Variants in RYR2 observed in about 807,000 individuals in gnomAD.
RYR2 encodes the protein ryanodine receptor 2.
In RYR2, 227 loss-of-function variants were observed where a neutral mutation model predicts 601.1. The ratio of observed to expected loss-of-function variants is 0.38; its 90% CI spans 0.34 to 0.42. The LOEUF (loss-of-function observed/expected upper bound fraction) is 0.42, where lower values mean the gene tolerates loss of function less well. Among genes scored for constraint, RYR2 ranks in the 10% least tolerant of loss-of-function variants. The pLI is 1.00. For missense variants in RYR2, 4,646 were observed against 6,156.5 expected (o/e 0.75, Z 8.21); for synonymous variants, 2,223 against 2,175.1 (o/e 1.02, Z -0.61).
intron 1 of RYR2, among the ~76,000 whole-genome samples, chr1:237,177,973 A>T (rs1678244798): frequency 6.6e-6 from 1 of 152,208 alleles, no homozygotes; most frequent in South Asian, 2.1e-4. Flanking sequence ...TGTCTTCCAG[A>T]GTTTTCCAAT....
At chr1:237,262,469 C>T (rs1372027941) in intron 1 of RYR2, among the ~76,000 whole-genome samples, 1 of 151,816 alleles carries the variant, frequency 6.6e-6, no homozygotes, top group African/African-American at 2.4e-5. Context: ...GTTGGCCAGG[C>T]TGGTCCCAAA....
chr1:237,553,170 C>G (rs1028756312), intron 27 of RYR2, among the ~76,000 whole-genome samples: 2 of 151,964 alleles, frequency 1.3e-5, no homozygotes, highest in Non-Finnish European at 2.9e-5. Context: ...AATATTGTCT[C>G]TTATGTTTCC....
intron 10 of RYR2, among the ~76,000 whole-genome samples, chr1:237,408,575 A>G: frequency 6.6e-6 from 1 of 151,970 alleles, no homozygotes; most frequent in East Asian, 1.9e-4. Flanking sequence ...TGTGTTGAAT[A>G]CTGTAGCTTT....
At chr1:237,408,820 C>T (rs937028448) in intron 10 of RYR2, among the ~76,000 whole-genome samples, 1 of 152,126 alleles carries the variant, frequency 6.6e-6, no homozygotes, top group African/African-American at 2.4e-5. Flanking sequence ...CATGGAATAG[C>T]TCTCAATTTA....
intron 3 of RYR2, among the ~76,000 whole-genome samples, chr1:237,339,060 C>T (rs1300288523): frequency 6.6e-6 from 1 of 152,034 alleles, no homozygotes; most frequent in Non-Finnish European, 1.5e-5. Flanking sequence ...CTGTATAAGT[C>T]TTCTGTATTT....
At chr1:237,682,360 CA>C (rs1685963318) in intron 62 of RYR2, among the ~76,000 whole-genome samples, 1 of 152,154 alleles carries the variant, frequency 6.6e-6, no homozygotes, top group African/African-American at 2.4e-5. Flanking sequence ...AACCCTAGAC[CA>C]CCCCTCTCTC....
chr1:237,149,871 A>C (rs1043890124), intron 1 of RYR2, among the ~76,000 whole-genome samples: 3 of 152,204 alleles, frequency 2.0e-5, no homozygotes, highest in African/African-American at 7.2e-5. Flanking sequence ...GAGTATTTTC[A>C]AATACATGAG....
intron 1 of RYR2, among the ~76,000 whole-genome samples, chr1:237,133,474 G>A (rs1672380131): frequency 6.6e-6 from 1 of 152,150 alleles, no homozygotes; most frequent in Non-Finnish European, 1.5e-5. Flanking sequence ...AGGAGGGAGG[G>A]TTGAGTTATT....
rs560071128 is a variant in RYR2, at chr1:237,275,191, TA to T, written c.168+4576del. On this transcript the variant is annotated intron_variant, in intron 2 of 104. Coordinates refer to ENST00000366574, the MANE Select transcript of RYR2 (RefSeq NM_001035.3). ...TAAAAATGAAATTATATATTTATAG[TA>T]TTTTTTAATTAAAATATGCATTTTA... Among the ~76,000 whole-genome samples, 269 of 152,090 alleles carry T rather than the reference TA, an allele frequency of 1.8e-3. 1 individual carries two copies. The highest frequency in any genetic ancestry group is 6.1e-3 in the African/African-American group (253 of 41,554).
chr1:237,270,724 G>T, intron 2 of RYR2, 108 bp downstream of exon 2: 1 of 1,217,296 alleles, frequency 8.2e-7, no homozygotes, highest in East Asian at 2.6e-5. Flanking sequence ...CTATATAAAT[G>T]AAAGGGATAT....
chr1:237,449,944 A>G (rs969031449), intron 14 of RYR2, among the ~76,000 whole-genome samples: 2 of 151,950 alleles, frequency 1.3e-5, no homozygotes, highest in Non-Finnish European at 2.9e-5. Flanking sequence ...ACCTAGGAAG[A>G]GTTTGATTTG....
chr1:237,505,526 A>G (rs548501324), intron 22 of RYR2, among the ~76,000 whole-genome samples: 1 of 152,328 alleles, frequency 6.6e-6, no homozygotes, highest in East Asian at 1.9e-4. Context: ...AACATTGTTC[A>G]TGGCCAAAAT....
At chr1:237,369,638 T>A (rs758794216) in intron 6 of RYR2, 30 bp downstream of exon 6, 2 of 1,535,286 alleles carry the variant, frequency 1.3e-6, no homozygotes, top group South Asian at 1.2e-5. Flanking sequence ...CATCTCCCTG[T>A]GGTCATGCTG....
intron 1 of RYR2, among the ~76,000 whole-genome samples, chr1:237,240,409 A>G (rs1214270606): frequency 1.3e-5 from 2 of 152,112 alleles, no homozygotes; most frequent in Non-Finnish European, 2.9e-5. Flanking sequence ...AAATTTACTG[A>G]AACTGTTTTA....
intron 1 of RYR2, among the ~76,000 whole-genome samples, chr1:237,193,664 G>GT (rs1680256390): frequency 6.6e-6 from 1 of 152,158 alleles, no homozygotes; most frequent in Admixed American, 6.5e-5. Context: ...AATTGCAGAT[G>GT]TATTTGGATT....
intron 79 of RYR2, among the ~76,000 whole-genome samples, chr1:237,739,621 G>A (rs999479920): frequency 1.3e-5 from 2 of 152,084 alleles, no homozygotes; most frequent in Non-Finnish European, 2.9e-5. Flanking sequence ...GATACACATC[G>A]TTATGCCTAG....
chr1:237,741,207 G>T (rs1395798814), intron 79 of RYR2, among the ~76,000 whole-genome samples: 1 of 152,076 alleles, frequency 6.6e-6, no homozygotes, highest in Non-Finnish European at 1.5e-5. Context: ...AACAGAAAGG[G>T]TAGTATATAT....
chr1:237,602,726 C>A (rs1022291469), intron 35 of RYR2, among the ~76,000 whole-genome samples: 1 of 152,144 alleles, frequency 6.6e-6, no homozygotes, highest in Non-Finnish European at 1.5e-5. Context: ...AAAGGTAGAA[C>A]AAGTCCAAGT....
At chr1:237,391,092 A>T (rs1702339390) in intron 10 of RYR2, among the ~76,000 whole-genome samples, 2 of 152,162 alleles carry the variant, frequency 1.3e-5, no homozygotes, top group Admixed American at 1.3e-4. Context: ...TAATTCCTTG[A>T]ATTTCACAAT....
Sources: allele counts gnomAD v4.1 joint callset (sites outside exome capture counted in the v4.1 genomes callset), GRCh38; gene constraint gnomAD v4.1.1; transcripts MANE v1.5; gene names NCBI Gene and HGNC (gene_info 2026-07-23, HGNC 2026-07-21).